WWOX: variants seen among roughly 807,000 people sequenced by gnomAD.
WWOX encodes the protein WW domain containing oxidoreductase.
WWOX carries 69 observed loss-of-function variants against 46.2 expected under a neutral mutation model. The observed-to-expected ratio is 1.49, with a 90% CI of 1.23 to 1.82. The LOEUF (loss-of-function observed/expected upper bound fraction) is 1.82, where lower values mean the gene tolerates loss of function less well. Ranked by LOEUF, WWOX falls within the 40% of genes most tolerant of loss-of-function variation. The pLI is 0.00. For synonymous variants in WWOX, 359 were observed against 202.6 expected (o/e 1.77, Z -6.56); for missense variants, 919 against 542.6 (o/e 1.69, Z -6.89).
intron 8 of WWOX, among the ~76,000 whole-genome samples, chr16:78,769,271 G>A (rs2050002587): frequency 6.6e-6 from 1 of 152,158 alleles, no homozygotes; most frequent in African/African-American, 2.4e-5. Context: ...GAGTTGGGGG[G>A]AGTCACCATC....
intron 6 of WWOX, among the ~76,000 whole-genome samples, chr16:78,409,625 A>G (rs79695639): frequency 1.3e-3 from 202 of 152,274 alleles, no homozygotes; most frequent in African/African-American, 4.7e-3. Flanking sequence ...AATTACCACA[A>G]ACTTATGTGC....
Position 78,375,910 on chromosome 16 carries a change from G to C in WWOX, c.517-10950G>C, listed in dbSNP as rs558006077. On this transcript the variant is annotated intron_variant, in intron 5 of 8. Coordinates refer to ENST00000566780, the MANE Select transcript of WWOX (RefSeq NM_016373.4). ...TCTGTTGCCCAGGCTCGAGTGCAGT[G>C]GCATGATGTTGGCTCACTGCAACTC... 6.7e-5 allele frequency among the ~76,000 whole-genome samples: 10 copies of C among 149,692 alleles called. No homozygotes were observed. The East Asian group carries it at 2.0e-3, about 29-fold the overall frequency.
chr16:78,542,498 C>T (rs1390069804), intron 8 of WWOX, among the ~76,000 whole-genome samples: 1 of 152,048 alleles, frequency 6.6e-6, no homozygotes, highest in Admixed American at 6.6e-5. Context: ...AAGCTGAGAG[C>T]AAACCACATT....
At chr16:79,137,226 T>C (rs1354595048) in intron 8 of WWOX, among the ~76,000 whole-genome samples, 2 of 152,236 alleles carry the variant, frequency 1.3e-5, no homozygotes, top group Non-Finnish European at 2.9e-5. Flanking sequence ...CCATGCTCTC[T>C]ATTTCCTCGA....
intron 8 of WWOX, among the ~76,000 whole-genome samples, chr16:78,903,916 A>G (rs188630457): frequency 5.8e-4 from 89 of 152,330 alleles, no homozygotes; most frequent in African/African-American, 1.8e-3. Flanking sequence ...CTGAAGGTAC[A>G]GAGTGGATAA....
At chr16:78,334,171 C>A (rs7193880) in intron 5 of WWOX, among the ~76,000 whole-genome samples, 1 of 152,078 alleles carries the variant, frequency 6.6e-6, no homozygotes, top group Non-Finnish European at 1.5e-5. Context: ...ATGCATTCGC[C>A]TAATGTAATG....
chr16:78,504,799 T>G (rs1397926), intron 8 of WWOX, among the ~76,000 whole-genome samples: 137,762 of 151,734 alleles, frequency 0.91, 63,073 homozygotes, highest in Non-Finnish European at 0.97. Flanking sequence ...CCAGAGCTTA[T>G]GCATCCGTGC....
At chr16:78,104,437 G>C (rs777313906) in intron 1 of WWOX, among the ~76,000 whole-genome samples, 1 of 152,128 alleles carries the variant, frequency 6.6e-6, no homozygotes, top group South Asian at 2.1e-4. Context: ...CCAGGAGCTC[G>C]AGGCTGCAGT....
intron 5 of WWOX, among the ~76,000 whole-genome samples, chr16:78,277,074 C>G (rs1027290141): frequency 5.3e-5 from 8 of 152,170 alleles, no homozygotes; most frequent in African/African-American, 1.9e-4. Flanking sequence ...GTCAGCAGAC[C>G]CGGTGAAGTT....
At chr16:79,129,890 A>G (rs996027653) in intron 8 of WWOX, among the ~76,000 whole-genome samples, 1 of 152,178 alleles carries the variant, frequency 6.6e-6, no homozygotes, top group Non-Finnish European at 1.5e-5. Context: ...CCTGGAGTGA[A>G]GTGTAAGCGT....
chr16:78,448,543 G>A (rs1419615176), intron 8 of WWOX, among the ~76,000 whole-genome samples: 2 of 152,082 alleles, frequency 1.3e-5, no homozygotes, highest in Middle Eastern at 3.2e-3. Context: ...GTGTCATGAA[G>A]CCAACACACA....
chr16:79,138,256 G>C (rs2050021372), intron 8 of WWOX, among the ~76,000 whole-genome samples: 1 of 152,204 alleles, frequency 6.6e-6, no homozygotes, highest in Non-Finnish European at 1.5e-5. Context: ...CTAAGAGCAA[G>C]GTGCTGTACT....
chr16:78,950,258 A>G (rs1995548), intron 8 of WWOX, among the ~76,000 whole-genome samples: 46,262 of 152,038 alleles, frequency 0.3, 8,125 homozygotes, highest in Non-Finnish European at 0.39. Flanking sequence ...GCTCAAATGC[A>G]TGACATGATG....
intron 8 of WWOX, among the ~76,000 whole-genome samples, chr16:78,519,586 A>G: frequency 6.6e-6 from 1 of 152,112 alleles, no homozygotes; most frequent in East Asian, 1.9e-4. Context: ...CCCAAAATTC[A>G]CAGGTTAAAA....
intron 8 of WWOX, among the ~76,000 whole-genome samples, chr16:78,833,299 AT>A (rs2051883136): frequency 6.6e-6 from 1 of 151,908 alleles, no homozygotes; most frequent in South Asian, 2.1e-4. Context: ...CTCTCACCTC[AT>A]TCTCTCAAAG....
intron 8 of WWOX, among the ~76,000 whole-genome samples, chr16:78,749,047 A>C (rs1409886952): frequency 6.6e-6 from 1 of 152,212 alleles, no homozygotes; most frequent in Non-Finnish European, 1.5e-5. Context: ...GTGTATTCTA[A>C]AATTATCAAT....
At chr16:78,802,350 G>T (rs1353791548) in intron 8 of WWOX, among the ~76,000 whole-genome samples, 2 of 151,924 alleles carry the variant, frequency 1.3e-5, no homozygotes, top group East Asian at 1.9e-4. Flanking sequence ...GTTACAGAGA[G>T]AAAGAGGGTA....
intron 8 of WWOX, among the ~76,000 whole-genome samples, chr16:78,781,831 G>T (rs540433848): frequency 6.6e-6 from 1 of 152,222 alleles, no homozygotes; most frequent in Admixed American, 6.5e-5. Context: ...AAGTAATGAT[G>T]ACGATGATGG....
At chr16:78,915,500 C>G (rs557510229) in intron 8 of WWOX, among the ~76,000 whole-genome samples, 5 of 152,158 alleles carry the variant, frequency 3.3e-5, no homozygotes, top group African/African-American at 9.7e-5. Context: ...TGAGCCTACA[C>G]AGAATGTCGC....
Sources: allele counts gnomAD v4.1 joint callset (sites outside exome capture counted in the v4.1 genomes callset), GRCh38; gene constraint gnomAD v4.1.1; transcripts MANE v1.5; gene names NCBI Gene and HGNC (gene_info 2026-07-23, HGNC 2026-07-21).